MYB: variants seen among roughly 807,000 people sequenced by gnomAD.
MYB encodes MYB proto-oncogene, transcription factor.
MYB carries 28 observed loss-of-function variants against 92.9 expected under a neutral mutation model. The observed-to-expected ratio is 0.30, with a 90% confidence interval of 0.22 to 0.41. The LOEUF (loss-of-function observed/expected upper bound fraction) is 0.41, where lower values mean the gene tolerates loss of function less well. Among genes scored for constraint, MYB ranks in the 10% least tolerant of loss-of-function variants. The pLI, the probability that MYB is intolerant of heterozygous loss-of-function variation, is 1.00. For missense variants in MYB, 679 were observed against 929.3 expected (o/e 0.73, Z 3.50); for synonymous variants, 295 against 329.1 (o/e 0.90, Z 1.12).
intron 15 of MYB, among the ~76,000 whole-genome samples, chr6:135,213,840 A>G (rs892633387): frequency 6.6e-6 from 1 of 152,222 alleles, no homozygotes; most frequent in Admixed American, 6.5e-5. Context: ...AGCTGTGATC[A>G]TGCCAGCCTG....
chr6:135,200,569 CTG>C lies in MYB; in HGVS notation c.1950+156_1950+157del, dbSNP rs773066943. The C allele has an allele frequency of 4.7e-6, 5 of 1,063,340 alleles. No homozygotes were observed. The African/African-American group carries it at 6.3e-5, about 13-fold the overall frequency. 65.9% of individuals were successfully genotyped at this position (1,063,340 alleles called of 1,614,324 possible). A position where few individuals can be genotyped will look rare whatever the true frequency, so the allele number is the denominator to read the frequency against. On this transcript the variant is annotated intron_variant, in intron 13 of 15. Transcript: ENST00000341911. Reference sequence around the variant, plus strand: ...GGTGCAGCGAAAAGGTACTGCCAGACTGTAGGCATCATCAACCTTTCCTTTGG... The same window carrying C: ...GGTGCAGCGAAAAGGTACTGCCAGACTAGGCATCATCAACCTTTCCTTTGG...
intron 3 of MYB, among the ~76,000 whole-genome samples, chr6:135,188,492 CTTTTTTT>C (rs528623055): frequency 3.7e-5 from 5 of 133,892 alleles, no homozygotes; most frequent in East Asian, 2.1e-4. Context: ...ATTTTTCTTT[CTTTTTTT>C]TTTTTTTGTT....
chr6:135,181,393 C>A lies in MYB; in HGVS notation c.-121C>A, dbSNP rs931145054. ...TCCTCTTTCTCCTGAGAAACTTCGC[C>A]CCAGCGGTGCGGAGCGCCGCTGCGC... On this transcript the variant is annotated 5_prime_UTR_variant, in exon 1 of 16. Coordinates refer to ENST00000341911, the MANE Select transcript of MYB (RefSeq NM_001130173.2). The surrounding 1 kb of genome is among the most constrained non-coding windows in gnomAD (Gnocchi z 5.3). 2 of 596,084 alleles carry A rather than the reference C, an allele frequency of 3.4e-6. No individual in the cohort carries two copies. The highest frequency in any genetic ancestry group is 2.0e-5 in the African/African-American group (1 of 49,548). 36.9% of individuals were successfully genotyped at this position (596,084 alleles called of 1,614,324 possible).
At chr6:135,195,130 T>C (rs1306223442) in intron 8 of MYB, 1 of 1,231,724 alleles carries the variant, frequency 8.1e-7, no homozygotes. Context: ...AATAAGATGT[T>C]TATGTGCACA....
chr6:135,204,601 C>A (rs539945744), intron 15 of MYB, among the ~76,000 whole-genome samples: 7 of 152,310 alleles, frequency 4.6e-5, no homozygotes, highest in African/African-American at 1.7e-4. Context: ...CCGCACCTAG[C>A]CAGTGCGTAG....
Position 135,200,114 on chromosome 6 carries a change from T to C in MYB, c.1739T>C (p.Ile580Thr), listed in dbSNP as rs1270493960. 1 of 1,614,144 alleles carries C rather than the reference T, an allele frequency of 6.2e-7. No homozygotes were observed. Among genetic ancestry groups the C allele is most frequent in the South Asian group, 1.1e-5 (1 of 91,086 alleles). The change falls in exon 12 of 16, where the codon ATC (isoleucine) becomes ACC (threonine). Residue 580 changes from isoleucine (I) to threonine (T), a missense_variant. Ile to Thr is a moderately conservative substitution (Grantham distance 89, BLOSUM62 -1). Transcript: ENST00000341911. ...VFRTPAIKRS[I>T]LESSPRTPTP... ...AGAACCCCAGCTATCAAAAGGTCAA[T>C]CTTAGAAAGCTCTCCAAGAACTCCT...
At chr6:135,184,541 C>A (rs1216599493) in intron 1 of MYB, among the ~76,000 whole-genome samples, 1 of 151,924 alleles carries the variant, frequency 6.6e-6, no homozygotes, top group African/African-American at 2.4e-5. Context: ...TGGATTACAT[C>A]ATGTCGCCAT....
chr6:135,204,449 C>T (rs1369677021), intron 15 of MYB, among the ~76,000 whole-genome samples: 1 of 152,116 alleles, frequency 6.6e-6, no homozygotes. Flanking sequence ...CAGGTGTGAG[C>T]CACCGGCAAC....
intron 9 of MYB, 118 bp downstream of exon 9, chr6:135,196,120 T>G: frequency 1.9e-6 from 2 of 1,060,336 alleles, no homozygotes. Context: ...AATGTAAAGG[T>G]AGAAGTATGA....
At chr6:135,211,780 A>T (rs1424629489) in intron 15 of MYB, among the ~76,000 whole-genome samples, 1 of 152,206 alleles carries the variant, frequency 6.6e-6, no homozygotes, top group African/African-American at 2.4e-5. Context: ...TTGGTGGATG[A>T]GGCAACTTCC....
In MYB at chr6:135,182,411, G is replaced by A. The variant is rs1364855927; in HGVS notation, c.23+875G>A. ...ACGCCGGGGCTCCCTGCGAGCGGCG[G>A]GTGCCAGGGCTAGCTCGGCAGCCGT... On this transcript the variant is annotated intron_variant, in intron 1 of 15. Coordinates refer to ENST00000341911, the MANE Select transcript of MYB (RefSeq NM_001130173.2). The surrounding 1 kb of genome is among the most constrained non-coding windows in gnomAD (Gnocchi z 5.6). Among the ~76,000 whole-genome samples the A allele has an allele frequency of 1.3e-5, 2 of 152,164 alleles. No individual in the cohort carries two copies. The highest frequency in any genetic ancestry group is 1.3e-4 in the Admixed American group (2 of 15,276).
rs775444953 is a variant in MYB at position 135,196,979 on chromosome 6, G to T, written c.1222G>T (p.Asp408Tyr). 1.2e-6 allele frequency: 2 copies of T among 1,613,410 alleles called. No individual in the cohort carries two copies. Among genetic ancestry groups the T allele is most frequent in the Admixed American group, 1.7e-5 (1 of 59,978 alleles). The change falls in exon 10 of 16, where the codon GAT (aspartate) becomes TAT (tyrosine). Residue 408 changes from aspartate to tyrosine, a missense_variant. Physicochemically the swap from Asp to Tyr is radical, Grantham distance 160. This residue lies in a region of MYB where 402 missense variants were observed against 434.2 expected (regional missense o/e 0.93). Coordinates refer to ENST00000341911, the MANE Select transcript of MYB (RefSeq NM_001130173.2). ...FIDSDSSSWCDLSSFEFFEEA... is the reference protein window; with the variant it reads ...FIDSDSSSWCYLSSFEFFEEA... ...GTTTCAGGATTCTTCATCATGGTGT[G>T]ATCTCAGCAGTTTTGAATTCTTTGA... is the stretch of plus-strand genomic sequence containing the variant.
rs113866862 is a variant in MYB at position 135,186,043 on chromosome 6, C to T, written c.141+23C>T. 144 of 1,586,542 alleles carry T rather than the reference C, an allele frequency of 9.1e-5. 1 individual carries two copies. The highest frequency in any genetic ancestry group is 7.3e-4 in the South Asian group (66 of 90,478). On this transcript the variant is annotated intron_variant, in intron 2 of 15. Transcript: ENST00000341911. ...GAGGTAACTAATCATTTTATCAAGA[C>T]GCAGAAAATAGATAGAGTGTATAAT...
intron 15 of MYB, among the ~76,000 whole-genome samples, chr6:135,206,409 T>G (rs1583381194): frequency 6.6e-6 from 1 of 150,414 alleles, no homozygotes; most frequent in Middle Eastern, 3.4e-3. Context: ...TAAAAAAAAT[T>G]TTTTAAGGCC....
At position 135,193,611 on chromosome 6, in the gene MYB, C is replaced by G. The variant is rs76129001; in HGVS notation, c.763-227C>G. Among the ~76,000 whole-genome samples the G allele has an allele frequency of 1.7e-3, 261 of 152,220 alleles. 4 individuals are homozygous for G. In the East Asian group the frequency reaches 0.042, roughly 24 times the overall value. On this transcript the variant is annotated intron_variant, in intron 6 of 15. Coordinates refer to ENST00000341911, the MANE Select transcript of MYB (RefSeq NM_001130173.2). Reference sequence around the variant, plus strand: ...GGAACACTTCCCAAAATTTAAAGTGCTCATCAACACCTCCCAAGGATTTTT... The same window carrying G: ...GGAACACTTCCCAAAATTTAAAGTGGTCATCAACACCTCCCAAGGATTTTT...
chr6:135,192,802 G>A (rs1282637970), intron 6 of MYB, among the ~76,000 whole-genome samples: 1 of 152,168 alleles, frequency 6.6e-6, no homozygotes, highest in Non-Finnish European at 1.5e-5. Context: ...AGATAGTGCT[G>A]ACTAGAAAAC....
chr6:135,210,136 A>T (rs1309006749), intron 15 of MYB, among the ~76,000 whole-genome samples: 1 of 152,252 alleles, frequency 6.6e-6, no homozygotes, highest in Non-Finnish European at 1.5e-5. Flanking sequence ...AAAGCACATT[A>T]TGCTAATCAA....
At chr6:135,206,994 CAAT>C (rs1223695185) in intron 15 of MYB, among the ~76,000 whole-genome samples, 1 of 152,068 alleles carries the variant, frequency 6.6e-6, no homozygotes, top group African/African-American at 2.4e-5. Flanking sequence ...AATCCTGATT[CAAT>C]AATATTTCTA....
At chr6:135,199,614 A>G in intron 11 of MYB, 1 of 849,230 alleles carries the variant, frequency 1.2e-6, no homozygotes, top group South Asian at 3.7e-5. Flanking sequence ...TAAAGCCTTA[A>G]TCAATTCAGA....
Sources: allele counts gnomAD v4.1 joint callset (sites outside exome capture counted in the v4.1 genomes callset), GRCh38; gene constraint gnomAD v4.1.1; regional missense constraint gnomAD v4.1.1; non-coding constraint Gnocchi (gnomAD v3.1); transcripts MANE v1.5; gene names NCBI Gene and HGNC (gene_info 2026-07-23, HGNC 2026-07-21).